Variants in NAV2 observed in about 807,000 individuals in gnomAD.
NAV2 encodes the protein neuron navigator 2.
Under a neutral mutation model 223.2 loss-of-function variants are expected in NAV2, and 54 were observed. That is an observed-to-expected ratio of 0.24 (90% CI 0.19 to 0.30). The LOEUF is 0.30. NAV2 is among the 10% of genes least tolerant of loss of function. NAV2 has a pLI of 1.00. For synonymous variants in NAV2, 1,279 were observed against 1,239.3 expected, an observed-to-expected ratio of 1.03 and a Z score of -0.67; for missense variants, 2,806 against 3,147.5, an observed-to-expected ratio of 0.89 and a Z score of 2.60.
intron 1 of NAV2, among the ~76,000 whole-genome samples, chr11:19,490,631 T>C (rs1029898191): frequency 2.0e-5 from 3 of 152,220 alleles, no homozygotes; most frequent in Non-Finnish European, 4.4e-5. Flanking sequence ...ACCACATCTA[T>C]AGTTACTTCT....
intron 1 of NAV2, among the ~76,000 whole-genome samples, chr11:19,601,560 G>C (rs973762415): frequency 1.3e-4 from 20 of 152,112 alleles, no homozygotes; most frequent in Admixed American, 1.3e-3. Context: ...CCCAGACATG[G>C]TACCCCATCT....
chr11:19,563,516 C>G (rs1048922644), intron 1 of NAV2, among the ~76,000 whole-genome samples: 1 of 151,488 alleles, frequency 6.6e-6, no homozygotes, highest in Non-Finnish European at 1.5e-5. Context: ...GCCCTTGGAT[C>G]GGGATGCACC....
chr11:19,529,302 G>A (rs1590419745), intron 1 of NAV2, among the ~76,000 whole-genome samples: 1 of 152,166 alleles, frequency 6.6e-6, no homozygotes, highest in Admixed American at 6.5e-5. Context: ...ACATCTCATT[G>A]CATTGATTAA....
rs2048200927 is a variant in NAV2 at position 19,658,965 on chromosome 11, C to T, written c.76-173519C>T. The stretch of plus-strand genomic sequence containing the variant: ...CCTGGGGAAAACGAAATCAGCAAAA[C>T]ATTCGACAAACACAAGCTTAGCAGC... On this transcript the variant is annotated intron_variant, in intron 1 of 37. Coordinates refer to the NAV2 transcript ENST00000360655. 3.9e-5 allele frequency among the ~76,000 whole-genome samples: 6 copies of T among 152,180 alleles called. No homozygotes were observed. The South Asian group carries it at 1.2e-3, about 32-fold the overall frequency.
chr11:19,446,287 A>G lies in NAV2; in HGVS notation c.75+95260A>G, dbSNP rs1159983658. ...AACCCCTCCCTCCCACCACCAGAGAATCATAGCTATGGGTTCCTAGATGCC... is the reference window on the plus strand; with the variant it reads ...AACCCCTCCCTCCCACCACCAGAGAGTCATAGCTATGGGTTCCTAGATGCC... On this transcript the variant is annotated intron_variant, in intron 1 of 37. Transcript: ENST00000360655. Among the ~76,000 whole-genome samples the G allele has an allele frequency of 2.6e-5, 4 of 152,120 alleles. No individual in the cohort carries two copies. The South Asian group carries it at 6.2e-4, about 24-fold the overall frequency.
At chr11:20,063,016 A>C (rs993153724) in intron 20 of NAV2, among the ~76,000 whole-genome samples, 12 of 152,234 alleles carry the variant, frequency 7.9e-5, no homozygotes, top group African/African-American at 2.4e-4. Flanking sequence ...TTATCTGTAA[A>C]GTAGAAATAA....
intron 1 of NAV2, among the ~76,000 whole-genome samples, chr11:19,735,919 G>A (rs2052248049): frequency 6.6e-6 from 1 of 152,236 alleles, no homozygotes; most frequent in Non-Finnish European, 1.5e-5. Flanking sequence ...GCTGGGGGCT[G>A]TCTACCTGGT....
chr11:19,949,224 C>T, intron 10 of NAV2, 144 bp downstream of exon 10: 2 of 933,868 alleles, frequency 2.1e-6, no homozygotes, highest in Non-Finnish European at 3.1e-6. Flanking sequence ...GGCTGTGTGA[C>T]ATGGAGGGAA....
chr11:19,908,764 C>A (rs1381137746), intron 6 of NAV2, among the ~76,000 whole-genome samples: 6 of 152,120 alleles, frequency 3.9e-5, no homozygotes, highest in Non-Finnish European at 7.3e-5. Flanking sequence ...ATTCTAGACA[C>A]AAAAGGCCAA....
intron 1 of NAV2, among the ~76,000 whole-genome samples, chr11:19,755,213 A>T (rs80272245): frequency 6.6e-6 from 1 of 152,242 alleles, no homozygotes; most frequent in Non-Finnish European, 1.5e-5. Context: ...TCACCACAAC[A>T]GTCCTTCTAA....
At chr11:20,046,836 G>A (rs1471454896) in intron 14 of NAV2, among the ~76,000 whole-genome samples, 1 of 152,100 alleles carries the variant, frequency 6.6e-6, no homozygotes, top group Non-Finnish European at 1.5e-5. Flanking sequence ...AACTGCAACT[G>A]CTAGGTTACA....
At chr11:19,661,153 T>C (rs2048271582) in intron 1 of NAV2, among the ~76,000 whole-genome samples, 1 of 152,192 alleles carries the variant, frequency 6.6e-6, no homozygotes, top group Non-Finnish European at 1.5e-5. Flanking sequence ...TCTGTCTGTA[T>C]GAATTTGGTA....
intron 3 of NAV2, among the ~76,000 whole-genome samples, chr11:19,862,799 A>T (rs747294218): frequency 1.3e-5 from 2 of 152,234 alleles, no homozygotes; most frequent in Non-Finnish European, 2.9e-5. Flanking sequence ...TAAATCGTGC[A>T]TAAGGCTGTG....
At chr11:19,844,616 T>G (rs1046614778) in intron 3 of NAV2, among the ~76,000 whole-genome samples, 8 of 152,218 alleles carry the variant, frequency 5.3e-5, no homozygotes, top group Non-Finnish European at 1.2e-4. Context: ...TTTGGCATAT[T>G]TTAGATTTTA....
chr11:19,966,856 ACT>A (rs2048810185), intron 10 of NAV2, among the ~76,000 whole-genome samples: 1 of 151,450 alleles, frequency 6.6e-6, no homozygotes, highest in South Asian at 2.1e-4. Flanking sequence ...GTGTCTTTTT[ACT>A]CTCTCACGTT....
chr11:19,718,920 C>T (rs1033116416), intron 1 of NAV2, among the ~76,000 whole-genome samples: 1 of 152,138 alleles, frequency 6.6e-6, no homozygotes, highest in Admixed American at 6.5e-5. Flanking sequence ...CACACACACA[C>T]ATCAAAGGGG....
intron 1 of NAV2, among the ~76,000 whole-genome samples, chr11:19,530,296 G>A (rs772141897): frequency 9.7e-4 from 148 of 152,288 alleles, no homozygotes; most frequent in Admixed American, 2.4e-3. Context: ...AGGCAGGCAG[G>A]GTGGCATGAA....
intron 10 of NAV2, among the ~76,000 whole-genome samples, chr11:19,964,378 A>G (rs1215276479): frequency 2.6e-5 from 4 of 152,214 alleles, no homozygotes; most frequent in South Asian, 2.1e-4. Context: ...CCAAGTATAT[A>G]TAACGGTTAA....
intron 1 of NAV2, among the ~76,000 whole-genome samples, chr11:19,558,012 G>C (rs1490936595): frequency 1.3e-5 from 2 of 152,174 alleles, no homozygotes; most frequent in Non-Finnish European, 2.9e-5. Flanking sequence ...GAGAGGTACT[G>C]CTCTTTTTAT....
Sources: allele counts gnomAD v4.1 joint callset (sites outside exome capture counted in the v4.1 genomes callset), GRCh38; gene constraint gnomAD v4.1.1; transcripts MANE v1.5; gene names NCBI Gene and HGNC (gene_info 2026-07-23, HGNC 2026-07-21).